Variants in HORMAD2 observed in about 807,000 individuals in gnomAD.
HORMAD2 encodes HORMA domain-containing protein 2.
A neutral mutation model predicts 38.8 loss-of-function variants in HORMAD2; 45 were observed. The ratio of observed to expected loss-of-function variants is 1.16; its 90% CI spans 0.91 to 1.49. The LOEUF is 1.49. HORMAD2 is among the 40% of genes most tolerant of loss of function. The probability of loss-of-function intolerance (pLI) is 0.00; values close to 1 mark genes in which losing one functional copy is unlikely to be tolerated. For synonymous variants in HORMAD2, 126 were observed against 122.8 expected (o/e 1.03, Z -0.17); for missense variants, 338 against 367.0 (o/e 0.92, Z 0.65).
intron 10 of HORMAD2, among the ~76,000 whole-genome samples, chr22:30,151,092 AT>A (rs1392176914): frequency 6.6e-6 from 1 of 152,182 alleles, no homozygotes; most frequent in African/African-American, 2.4e-5. Flanking sequence ...AATGACGTGC[AT>A]TTGACTGGTC....
At chr22:30,170,933 C>A (rs753636095) in intron 10 of HORMAD2, among the ~76,000 whole-genome samples, 1 of 152,158 alleles carries the variant, frequency 6.6e-6, no homozygotes, top group African/African-American at 2.4e-5. Context: ...ATATTTGAGT[C>A]CTCATCTTCC....
chr22:30,188,691 C>T, the HORMAD2 span, among the ~76,000 whole-genome samples: 1 of 152,220 alleles, frequency 6.6e-6, no homozygotes, highest in Non-Finnish European at 1.5e-5. Context: ...AAGTTGGCTT[C>T]TTTTGGAAAC....
chr22:30,115,954 G>A (rs1365839798), intron 7 of HORMAD2, among the ~76,000 whole-genome samples: 1 of 152,200 alleles, frequency 6.6e-6, no homozygotes, highest in African/African-American at 2.4e-5. Flanking sequence ...TAACACCACA[G>A]TTAACATCAC....
chr22:30,131,416 T>C (rs1232794571), intron 10 of HORMAD2, among the ~76,000 whole-genome samples: 1 of 152,188 alleles, frequency 6.6e-6, no homozygotes, highest in African/African-American at 2.4e-5. Context: ...TCTTTATACC[T>C]CCAAATACAG....
chr22:30,144,467 G>A (rs917051756), intron 10 of HORMAD2, among the ~76,000 whole-genome samples: 6 of 152,190 alleles, frequency 3.9e-5, no homozygotes, highest in Admixed American at 3.9e-4. Context: ...TTCATGCTCT[G>A]TTGCAATAAA....
intron 10 of HORMAD2, among the ~76,000 whole-genome samples, chr22:30,175,381 C>G (rs981516514): frequency 7.0e-6 from 1 of 142,286 alleles, no homozygotes; most frequent in Non-Finnish European, 1.5e-5. Context: ...CATGGAAAAA[C>G]CTTTCCTCCC....
At chr22:30,132,975 A>C (rs1306078329) in intron 10 of HORMAD2, among the ~76,000 whole-genome samples, 1 of 152,188 alleles carries the variant, frequency 6.6e-6, no homozygotes, top group East Asian at 1.9e-4. Context: ...AAAATAAATA[A>C]ATTTTGTTTA....
chr22:30,200,730 T>TTTA, the HORMAD2 span, among the ~76,000 whole-genome samples: 1 of 76,536 alleles, frequency 1.3e-5, no homozygotes, highest in South Asian at 6.1e-4. Context: ...ACAACAGAAA[T>TTTA]GTATTATTAT....
At chr22:30,114,839 G>A (rs1158754050) in intron 7 of HORMAD2, among the ~76,000 whole-genome samples, 1 of 152,158 alleles carries the variant, frequency 6.6e-6, no homozygotes, top group Non-Finnish European at 1.5e-5. Flanking sequence ...TGTTCTGGTT[G>A]CTCCATCTCA....
At chr22:30,082,081 A>G (rs777691750) in intron 1 of HORMAD2, among the ~76,000 whole-genome samples, 2 of 152,194 alleles carry the variant, frequency 1.3e-5, no homozygotes, top group Non-Finnish European at 2.9e-5. Flanking sequence ...CTTTAAATCA[A>G]AGGGGTTGGA....
At chr22:30,120,636 TAA>T (rs1555946055) in intron 8 of HORMAD2, among the ~76,000 whole-genome samples, 1 of 152,152 alleles carries the variant, frequency 6.6e-6, no homozygotes, top group African/African-American at 2.4e-5. Flanking sequence ...ATTCATTCAT[TAA>T]TTCAACAAAT....
chr22:30,193,915 G>T, the HORMAD2 span, among the ~76,000 whole-genome samples: 4 of 152,026 alleles, frequency 2.6e-5, no homozygotes, highest in African/African-American at 9.7e-5. Context: ...TCCTTTTCTT[G>T]CTGGATGCAT....
intron 10 of HORMAD2, among the ~76,000 whole-genome samples, chr22:30,163,399 T>C (rs1338692155): frequency 6.6e-6 from 1 of 152,184 alleles, no homozygotes; most frequent in Non-Finnish European, 1.5e-5. Context: ...TTTTGTCATT[T>C]TTATAAATCA....
the HORMAD2 span, among the ~76,000 whole-genome samples, chr22:30,197,770 G>T: frequency 6.6e-6 from 1 of 151,442 alleles, no homozygotes; most frequent in Non-Finnish European, 1.5e-5. Context: ...TACCAATAAT[G>T]AGTTAAAAAA....
the HORMAD2 span, among the ~76,000 whole-genome samples, chr22:30,189,923 T>G: frequency 1.3e-5 from 2 of 152,150 alleles, no homozygotes; most frequent in African/African-American, 2.4e-5. Context: ...AAACCACTCA[T>G]GACTTGAGCT....
Position 30,112,794 on chromosome 22 carries a change from A to G in HORMAD2, c.342+272A>G, listed in dbSNP as rs139107031. Among the ~76,000 whole-genome samples the G allele has an allele frequency of 3.4e-3, 511 of 152,204 alleles. 10 individuals are homozygous for G. Among genetic ancestry groups the G allele is most frequent in the African/African-American group, 0.012 (494 of 41,562 alleles). On this transcript the variant is annotated intron_variant, in intron 7 of 10. Coordinates refer to ENST00000336726, the MANE Select transcript of HORMAD2 (RefSeq NM_152510.4). Reference sequence around the variant, plus strand: ...GGCATTAAGAGTCTCTTAATGTATAAATGTATAAAACCACATTTTTTTCTT... The same window carrying G: ...GGCATTAAGAGTCTCTTAATGTATAGATGTATAAAACCACATTTTTTTCTT...
At chr22:30,087,480 G>A (rs2068590353) in intron 1 of HORMAD2, among the ~76,000 whole-genome samples, 1 of 152,084 alleles carries the variant, frequency 6.6e-6, no homozygotes, top group Admixed American at 6.6e-5. Context: ...GGAGTGTGTG[G>A]TAGAAGTAAA....
chr22:30,202,617 C>T, the HORMAD2 span, among the ~76,000 whole-genome samples: 1 of 152,092 alleles, frequency 6.6e-6, no homozygotes, highest in African/African-American at 2.4e-5. Context: ...AGCCTTACCC[C>T]ACCCAGCCTG....
chr22:30,108,013 C>T (rs922034619), intron 5 of HORMAD2, among the ~76,000 whole-genome samples: 9 of 151,526 alleles, frequency 5.9e-5, no homozygotes, highest in African/African-American at 2.2e-4. Context: ...GGACTACAGG[C>T]ACGTGCCACC....
Sources: gnomAD v4.1 joint callset for allele counts (sites outside exome capture counted in the v4.1 genomes callset) on GRCh38, gnomAD v4.1.1 for gene constraint, MANE v1.5 for transcripts, NCBI Gene and HGNC (gene_info 2026-07-23, HGNC 2026-07-21) for gene names.